Variants in HOOK1 observed in about 807,000 individuals in gnomAD.
HOOK1 encodes hook microtubule tethering protein 1, also known as protein Hook homolog 1.
In HOOK1, 60 loss-of-function variants were observed where a neutral mutation model predicts 112.8. That is an observed-to-expected ratio of 0.53 (90% CI 0.43 to 0.66). The LOEUF is 0.66. Ranked by LOEUF, HOOK1 falls within the 30% of genes least tolerant of loss-of-function variation. HOOK1 has a pLI of 0.00. For missense variants in HOOK1, 770 were observed against 856.0 expected (o/e 0.90, Z 1.25); for synonymous variants, 294 against 283.8 (o/e 1.04, Z -0.36).
intron 15 of HOOK1, among the ~76,000 whole-genome samples, chr1:59,860,847 C>T (rs535611688): frequency 2.0e-5 from 3 of 151,316 alleles, no homozygotes; most frequent in East Asian, 3.9e-4. Flanking sequence ...GATCTCGGCT[C>T]ACTGCAACTT....
At chr1:59,867,517 AT>A (rs34794211) in intron 19 of HOOK1, among the ~76,000 whole-genome samples, 1 of 152,126 alleles carries the variant, frequency 6.6e-6, no homozygotes, top group South Asian at 2.1e-4. Context: ...AATTTTAAAT[AT>A]TTTTAATAGT....
intron 7 of HOOK1, among the ~76,000 whole-genome samples, chr1:59,837,651 G>A (rs1411652203): frequency 6.6e-6 from 1 of 152,086 alleles, no homozygotes; most frequent in African/African-American, 2.4e-5. Context: ...CTGTGGGACT[G>A]TAGCCTTCAA....
intron 18 of HOOK1, 137 bp downstream of exon 18, chr1:59,865,382 T>C (rs1643943870): frequency 2.0e-6 from 1 of 503,720 alleles, no homozygotes; most frequent in Non-Finnish European, 3.6e-6. Flanking sequence ...ACTATGATAA[T>C]TTTTAGTGCT....
intron 12 of HOOK1, among the ~76,000 whole-genome samples, chr1:59,852,985 G>A (rs72923812): frequency 0.018 from 2,719 of 151,944 alleles, 70 homozygotes; most frequent in African/African-American, 0.062. Flanking sequence ...GTGGTCAGAG[G>A]ACATACTTTG....
chr1:59,871,010 G>A (rs1644046868), intron 20 of HOOK1, 32 bp from the exon 21 acceptor site: 2 of 1,406,158 alleles, frequency 1.4e-6, no homozygotes, highest in Admixed American at 1.7e-5. Flanking sequence ...GTAATTTCTG[G>A]GATTTTAATT....
At chr1:59,872,768 T>TA (rs754975866) in intron 21 of HOOK1, 27 bp from the exon 22 acceptor site, 4 of 1,371,200 alleles carry the variant, frequency 2.9e-6, no homozygotes, top group Non-Finnish European at 3.8e-6. Context: ...TCATGTTAAA[T>TA]AAAAAATATA....
chr1:59,865,930 A>C lies in HOOK1; in HGVS notation c.1803A>C (p.Ala601=). 1.3e-6 allele frequency: 2 copies of C among 1,598,706 alleles called. No homozygotes were observed. The highest frequency in any genetic ancestry group is 1.7e-6 in the Non-Finnish European group (2 of 1,172,174). The change falls in exon 19 of 22, where the codon GCA becomes GCC. Residue 601 remains alanine (A), a synonymous_variant. Transcript: ENST00000371208. ...AGAAGAAAGATGAAGATATGAAAGC[A>C]ATGGAGGAAAGATATAAAATGTACT... ...ALQKKDEDMK[A]MEERYKMYLE...
intron 12 of HOOK1, among the ~76,000 whole-genome samples, chr1:59,856,192 C>T (rs1328795194): frequency 6.8e-6 from 1 of 147,876 alleles, no homozygotes; most frequent in African/African-American, 2.5e-5. Context: ...ACAATCCTTT[C>T]ACCTTAGCTC....
At position 59,874,011 on chromosome 1, in the gene HOOK1, T is replaced by G. The variant is rs1180555440; in HGVS notation, c.*1046T>G. The G allele has an allele frequency of 1.3e-5, 2 of 151,998 alleles. No individual in the cohort carries two copies. Among genetic ancestry groups the G allele is most frequent in the Non-Finnish European group, 2.9e-5 (2 of 67,962 alleles). 9.4% of individuals were successfully genotyped at this position (151,998 alleles called of 1,614,324 possible). A position where few individuals can be genotyped will look rare whatever the true frequency, so the allele number is the denominator to read the frequency against. ...TCGTTTCTGCCCAAAGCTCTTATTT[T>G]CAGAGGTGTTACTTTTGAACTTTTG... is the stretch of plus-strand genomic sequence containing the variant. On this transcript the variant is annotated 3_prime_UTR_variant, in exon 22 of 22. Coordinates refer to ENST00000371208, the MANE Select transcript of HOOK1 (RefSeq NM_015888.6).
intron 3 of HOOK1, among the ~76,000 whole-genome samples, chr1:59,831,835 CTTA>C (rs1428546144): frequency 6.6e-6 from 1 of 152,126 alleles, no homozygotes; most frequent in African/African-American, 2.4e-5. Context: ...TGTATTTTGT[CTTA>C]TTTTCTAGTT....
chr1:59,868,496 A>G, intron 20 of HOOK1, 145 bp downstream of exon 20: 1 of 648,960 alleles, frequency 1.5e-6, no homozygotes, highest in Non-Finnish European at 2.8e-6. Flanking sequence ...ATTACAAAGC[A>G]TCTCACTGGC....
At position 59,851,364 on chromosome 1, in the gene HOOK1, T is replaced by G. The variant is rs1266755756; in HGVS notation, c.1242+2181T>G. On this transcript the variant is annotated intron_variant, in intron 12 of 21. Coordinates refer to ENST00000371208, the MANE Select transcript of HOOK1 (RefSeq NM_015888.6). ...TGTCTTTCAACAATGTTTTGTAGTT[T>G]TCAGTGTGCAAGACTAGCACCTTTT... 2.0e-5 allele frequency among the ~76,000 whole-genome samples: 3 copies of G among 151,774 alleles called. No individual in the cohort carries two copies. In the East Asian group the frequency reaches 5.8e-4, roughly 29 times the overall value.
chr1:59,857,942 C>G (rs188750829), intron 12 of HOOK1, among the ~76,000 whole-genome samples: 1 of 152,306 alleles, frequency 6.6e-6, no homozygotes, highest in African/African-American at 2.4e-5. Flanking sequence ...AGTAACTAGT[C>G]TCCAGCGTCT....
intron 19 of HOOK1, 101 bp from the exon 20 acceptor site, chr1:59,868,149 G>A: frequency 1.5e-6 from 1 of 650,918 alleles, no homozygotes; most frequent in South Asian, 2.1e-5. Flanking sequence ...TGACTTTGTG[G>A]ATTATTTTCC....
Position 59,833,449 on chromosome 1 carries a change from C to T in HOOK1, c.318C>T (p.Asn106=). The change falls in exon 5 of 22, where the codon AAC becomes AAT. Residue 106 remains asparagine (N), a synonymous_variant. Coordinates refer to ENST00000371208, the MANE Select transcript of HOOK1 (RefSeq NM_015888.6). ...CAGAAGCACTTATCCCTGATTTAAACCAAATAACCGAATGTTCAGATCCAG... is the reference window on the plus strand; with the variant it reads ...CAGAAGCACTTATCCCTGATTTAAATCAAATAACCGAATGTTCAGATCCAG... The part of the protein sequence containing the change: ...QISEALIPDL[N]QITECSDPVE... 1 of 1,575,850 alleles carries T rather than the reference C, an allele frequency of 6.3e-7. No homozygotes were observed. Among genetic ancestry groups the T allele is most frequent in the Non-Finnish European group, 8.7e-7 (1 of 1,155,346 alleles).
At chr1:59,830,383 G>A (rs1423068931) in intron 3 of HOOK1, among the ~76,000 whole-genome samples, 2 of 151,864 alleles carry the variant, frequency 1.3e-5, no homozygotes, top group Non-Finnish European at 2.9e-5. Flanking sequence ...CTGTTATTAA[G>A]TTTATTACAC....
In HOOK1 at chr1:59,850,900, T is replaced by C. The variant is rs150598834; in HGVS notation, c.1242+1717T>C. 3.9e-3 allele frequency among the ~76,000 whole-genome samples: 598 copies of C among 151,608 alleles called. 6 individuals are homozygous for C. Among genetic ancestry groups the C allele is most frequent in the African/African-American group, 0.014 (574 of 41,486 alleles). ...AAAGAACTCTGTATTTTCTGCTCAATTTTTCTAAAAACCTAAAACTGCTCA... is the reference window on the plus strand; with the variant it reads ...AAAGAACTCTGTATTTTCTGCTCAACTTTTCTAAAAACCTAAAACTGCTCA... On this transcript the variant is annotated intron_variant, in intron 12 of 21. Transcript: ENST00000371208.
rs997813072 is a variant in HOOK1, at chr1:59,875,387, A to T, written c.*2422A>T. Reference sequence around the variant, plus strand: ...ATATGTAAGTATTTATATAAGACTAATGTAATTTAAAGTTCTGTATTATTG... The same window carrying T: ...ATATGTAAGTATTTATATAAGACTATTGTAATTTAAAGTTCTGTATTATTG... On this transcript the variant is annotated 3_prime_UTR_variant, in exon 22 of 22. Transcript: ENST00000371208. 6.6e-6 allele frequency: 1 copy of T among 152,634 alleles called. No individual in the cohort carries two copies. The highest frequency in any genetic ancestry group is 1.5e-5 in the Non-Finnish European group (1 of 68,004). 9.5% of individuals were successfully genotyped at this position (152,634 alleles called of 1,614,324 possible). A position where few individuals can be genotyped will look rare whatever the true frequency, so the allele number is the denominator to read the frequency against.
chr1:59,865,831 TATTA>T, intron 18 of HOOK1, 37 bp from the exon 19 acceptor site: 1 of 927,258 alleles, frequency 1.1e-6, no homozygotes. Flanking sequence ...AGGTAGTAAA[TATTA>T]ATAACTGATT....
Sources: allele counts gnomAD v4.1 joint callset (sites outside exome capture counted in the v4.1 genomes callset), GRCh38; gene constraint gnomAD v4.1.1; transcripts MANE v1.5; gene names NCBI Gene and HGNC (gene_info 2026-07-23, HGNC 2026-07-21).